The following MGST1 variants were observed in gnomAD, a reference collection of about 807,000 sequenced individuals.
MGST1 encodes glutathione S-transferase 12.
MGST1 carries 5 observed loss-of-function variants against 8.9 expected under a neutral mutation model. The ratio of observed to expected loss-of-function variants is 0.56; its 90% CI spans 0.29 to 1.19. MGST1 has a LOEUF of 1.19. Among genes scored for constraint, MGST1 ranks in the 50% most tolerant of loss-of-function variants. The pLI is 0.08. For synonymous variants in MGST1, 54 were observed against 67.8 expected (o/e 0.80, Z 1.00); for missense variants, 182 against 187.4 (o/e 0.97, Z 0.17).
intron 4 of MGST1, among the ~76,000 whole-genome samples, chr12:16,566,036 AT>A (rs1942596616): frequency 5.8e-5 from 6 of 102,568 alleles, no homozygotes; most frequent in Non-Finnish European, 1.2e-4. Context: ...ATATATATAT[AT>A]ATAAAATGGA....
intron 4 of MGST1, among the ~76,000 whole-genome samples, chr12:16,568,133 G>A (rs1453421082): frequency 2.0e-5 from 3 of 152,062 alleles, no homozygotes; most frequent in Admixed American, 1.3e-4. Flanking sequence ...TATTGTCATC[G>A]GTTTCTCTGG....
intron 1 of MGST1, among the ~76,000 whole-genome samples, chr12:16,436,125 T>A (rs1940983827): frequency 6.6e-6 from 1 of 151,866 alleles, no homozygotes; most frequent in East Asian, 1.9e-4. Flanking sequence ...CTCAGCCTCT[T>A]CCAACAGGAA....
rs1201954263 is a variant in MGST1 at position 16,548,141 on chromosome 12, A to G, written n.483-41387A>G. On this transcript the variant is annotated intron_variant and non_coding_transcript_variant, in intron 4 of 4. Transcript: ENST00000538857. This position sits in a 1 kb window ranked among gnomAD's most constrained non-coding sequence, Gnocchi z 4.2. ...TGCAAAATTACACCCAGCAATTGCT[A>G]CCTTCATTTTTGAGAGTTTTATTTT... is the stretch of plus-strand genomic sequence containing the variant. 6.6e-6 allele frequency among the ~76,000 whole-genome samples: 1 copy of G among 152,192 alleles called. No homozygotes were observed. Among genetic ancestry groups the G allele is most frequent in the Admixed American group, 6.5e-5 (1 of 15,284 alleles).
In MGST1 at chr12:16,389,736, C is replaced by T. The variant is rs143678785; in HGVS notation, n.778+6132C>T. ...CTCATTGGGGTTTGAAGTATGAACA[C>T]GTGTTTAGTGAGCAATATTGGAGTT... On this transcript the variant is annotated intron_variant and non_coding_transcript_variant, in intron 1 of 1. Transcript: ENST00000359720. The surrounding 1 kb of genome is among the most constrained non-coding windows in gnomAD (Gnocchi z 4.6). Among the ~76,000 whole-genome samples the T allele has an allele frequency of 5.9e-5, 9 of 152,024 alleles. No individual in the cohort carries two copies. The highest frequency in any genetic ancestry group is 1.0e-4 in the Non-Finnish European group (7 of 68,004).
chr12:16,495,986 A>T (rs544421565), intron 4 of MGST1, among the ~76,000 whole-genome samples: 1 of 152,248 alleles, frequency 6.6e-6, no homozygotes, highest in Non-Finnish European at 1.5e-5. Context: ...ATATGAAATT[A>T]GAAAACTGGA....
At chr12:16,543,578 C>A (rs1941804297) in intron 4 of MGST1, among the ~76,000 whole-genome samples, 1 of 151,754 alleles carries the variant, frequency 6.6e-6, no homozygotes, top group Admixed American at 6.6e-5. Context: ...ATAACTTGAA[C>A]ACTATGTATC....
At chr12:16,425,276 G>A (rs552964606) in intron 1 of MGST1, among the ~76,000 whole-genome samples, 3 of 152,122 alleles carry the variant, frequency 2.0e-5, no homozygotes, top group Admixed American at 1.3e-4. Flanking sequence ...AAACTAGTGG[G>A]TTTTTTATTA....
At chr12:16,376,079 CT>C in intron 3 of MGST1, 2 of 1,267,862 alleles carry the variant, frequency 1.6e-6, no homozygotes, top group Non-Finnish European at 2.2e-6. Flanking sequence ...TGTATATAGT[CT>C]TTGAAGGATA....
At chr12:16,419,515 A>G (rs1940816018) in intron 1 of MGST1, among the ~76,000 whole-genome samples, 1 of 152,140 alleles carries the variant, frequency 6.6e-6, no homozygotes, top group Non-Finnish European at 1.5e-5. Context: ...TTTCTCAATA[A>G]ATTACCTTGT....
At chr12:16,372,421 GAAA>G (rs1940309583) in intron 3 of MGST1, among the ~76,000 whole-genome samples, 1 of 152,028 alleles carries the variant, frequency 6.6e-6, no homozygotes, top group African/African-American at 2.4e-5. Context: ...ACTAGTATAT[GAAA>G]AAACACACAA....
At chr12:16,522,167 C>T (rs1941652530) in intron 4 of MGST1, among the ~76,000 whole-genome samples, 1 of 152,142 alleles carries the variant, frequency 6.6e-6, no homozygotes, top group Admixed American at 6.6e-5. Flanking sequence ...TATTCCTCCA[C>T]TCTTCATCAG....
intron 4 of MGST1, among the ~76,000 whole-genome samples, chr12:16,498,145 G>T (rs779845814): frequency 6.6e-6 from 1 of 152,048 alleles, no homozygotes; most frequent in Non-Finnish European, 1.5e-5. Context: ...ACACTACTTC[G>T]AGTGTACTTT....
At chr12:16,464,528 C>T (rs1470971302) in intron 4 of MGST1, among the ~76,000 whole-genome samples, 1 of 152,220 alleles carries the variant, frequency 6.6e-6, no homozygotes, top group Non-Finnish European at 1.5e-5. Context: ...GGGCAAGTGT[C>T]ATGTTCAACC....
At chr12:16,409,836 A>G (rs1324441244) in intron 1 of MGST1, among the ~76,000 whole-genome samples, 1 of 152,164 alleles carries the variant, frequency 6.6e-6, no homozygotes, top group Non-Finnish European at 1.5e-5. Flanking sequence ...GCTTGCACCA[A>G]GTGCCTCAGG....
At chr12:16,514,375 C>T (rs2137182498) in intron 4 of MGST1, 2 of 284,222 alleles carry the variant, frequency 7.0e-6, no homozygotes, top group Middle Eastern at 7.3e-4. Flanking sequence ...ATTCTGAATG[C>T]TCCAGATTTG....
chr12:16,403,347 T>G (rs1391074565), intron 1 of MGST1, among the ~76,000 whole-genome samples: 1 of 152,128 alleles, frequency 6.6e-6, no homozygotes, highest in Non-Finnish European at 1.5e-5. Flanking sequence ...TTAAGAGCAC[T>G]GAGATTAGAA....
In MGST1 at chr12:16,547,049, C is replaced by G. The variant is rs551539153; in HGVS notation, n.483-42479C>G. ...TCTTGATTATAAAAGTAAAAATATACCTTTCTGAATAATACTTTTCTAATA... is the reference window on the plus strand; with the variant it reads ...TCTTGATTATAAAAGTAAAAATATAGCTTTCTGAATAATACTTTTCTAATA... On this transcript the variant is annotated intron_variant and non_coding_transcript_variant, in intron 4 of 4. Transcript: ENST00000538857. The surrounding 1 kb of genome is among the most constrained non-coding windows in gnomAD (Gnocchi z 4.6). Among the ~76,000 whole-genome samples the G allele has an allele frequency of 2.2e-4, 33 of 152,190 alleles. No individual in the cohort carries two copies. The highest frequency in any genetic ancestry group is 7.9e-4 in the African/African-American group (33 of 41,526).
chr12:16,558,132 T>TCAAA (rs1240667146), intron 4 of MGST1, among the ~76,000 whole-genome samples: 5 of 152,022 alleles, frequency 3.3e-5, no homozygotes, highest in Non-Finnish European at 5.9e-5. Flanking sequence ...AGTCCAAATA[T>TCAAA]CAAACATTAG....
intron 1 of MGST1, among the ~76,000 whole-genome samples, chr12:16,419,025 G>A (rs906812905): frequency 1.3e-5 from 2 of 152,024 alleles, no homozygotes; most frequent in African/African-American, 4.8e-5. Flanking sequence ...ATTCAGAGAC[G>A]GTAGCTCTAC....
Sources: gnomAD v4.1 joint callset for allele counts (sites outside exome capture counted in the v4.1 genomes callset) on GRCh38, gnomAD v4.1.1 for gene constraint, Gnocchi (gnomAD v3.1) non-coding constraint, MANE v1.5 for transcripts, NCBI Gene and HGNC (gene_info 2026-07-23, HGNC 2026-07-21) for gene names.